The following ATG5 variants were observed in gnomAD, a reference collection of about 807,000 sequenced individuals.
The protein encoded by ATG5 is autophagy protein 5.
Under a neutral mutation model 36.5 loss-of-function variants are expected in ATG5, and 14 were observed. The ratio of observed to expected loss-of-function variants is 0.38; its 90% CI spans 0.25 to 0.60. ATG5 has a LOEUF of 0.60. Among genes scored for constraint, ATG5 ranks in the 20% least tolerant of loss-of-function variants. The pLI is 0.60. For synonymous variants in ATG5, 95 were observed against 101.5 expected, an observed-to-expected ratio of 0.94 and a Z score of 0.38; for missense variants, 195 against 326.7, an observed-to-expected ratio of 0.60 and a Z score of 3.11.
At chr6:106,271,431 G>A (rs1020298944) in intron 5 of ATG5, among the ~76,000 whole-genome samples, 1 of 152,144 alleles carries the variant, frequency 6.6e-6, no homozygotes, top group Admixed American at 6.5e-5. Context: ...TTTAGTCTGT[G>A]AGGACACAAA....
chr6:106,235,748 T>G (rs927731759), intron 6 of ATG5, among the ~76,000 whole-genome samples: 7 of 148,146 alleles, frequency 4.7e-5, no homozygotes, highest in African/African-American at 1.8e-4. Flanking sequence ...ACGGCTACCT[T>G]CTTTGGGTCC....
chr6:106,190,428 T>C (rs1775928941), intron 7 of ATG5, among the ~76,000 whole-genome samples: 1 of 152,196 alleles, frequency 6.6e-6, no homozygotes, highest in Admixed American at 6.5e-5. Flanking sequence ...CCAACACTGC[T>C]GCATTGGGGA....
At chr6:106,284,164 T>A (rs1036468649) in intron 4 of ATG5, among the ~76,000 whole-genome samples, 3 of 152,188 alleles carry the variant, frequency 2.0e-5, no homozygotes, top group African/African-American at 7.2e-5. Flanking sequence ...ATTTTGCATA[T>A]CAGAATTACA....
At chr6:106,281,569 T>C (rs1024062062) in intron 4 of ATG5, among the ~76,000 whole-genome samples, 1 of 152,260 alleles carries the variant, frequency 6.6e-6, no homozygotes, top group Non-Finnish European at 1.5e-5. Flanking sequence ...TCTGTTTATC[T>C]AAAAACTTGT....
Position 106,186,297 on chromosome 6 carries a change from G to GGTCC in ATG5, c.*239_*242dup, listed in dbSNP as rs749781045. On this transcript the variant is annotated 3_prime_UTR_variant, in exon 8 of 8. Coordinates refer to ENST00000369076, the MANE Select transcript of ATG5 (RefSeq NM_004849.4). ...TTATATTTTACAGAAGACCTTCAGT[G>GGTCC]GTCCGGTAAGTCTTTCATGTCACAG... is the stretch of plus-strand genomic sequence containing the variant. 9.9e-5 allele frequency: 44 copies of GGTCC among 445,410 alleles called. No homozygotes were observed. Among genetic ancestry groups the GGTCC allele is most frequent in the Middle Eastern group, 5.9e-4 (1 of 1,698 alleles). The allele number at this position is 445,410 out of a possible 1,614,324, so 27.6% of individuals were successfully genotyped here.
chr6:106,233,191 C>A (rs1157920528), intron 6 of ATG5, among the ~76,000 whole-genome samples: 1 of 152,196 alleles, frequency 6.6e-6, no homozygotes, highest in Non-Finnish European at 1.5e-5. Flanking sequence ...ATACTTAGGG[C>A]TAAAATTATC....
intron 4 of ATG5, among the ~76,000 whole-genome samples, chr6:106,284,719 G>GT (rs1182162409): frequency 1.4e-4 from 20 of 144,428 alleles, no homozygotes; most frequent in South Asian, 4.3e-4. Flanking sequence ...GTTGTGTGGG[G>GT]TTTTTTTTGT....
intron 5 of ATG5, among the ~76,000 whole-genome samples, chr6:106,256,877 A>G (rs1307463520): frequency 6.6e-6 from 1 of 152,176 alleles, no homozygotes; most frequent in Non-Finnish European, 1.5e-5. Context: ...AGTTACATTG[A>G]ATTTATTTAA....
chr6:106,287,916 T>C (rs1409806050), intron 4 of ATG5, among the ~76,000 whole-genome samples: 1 of 151,900 alleles, frequency 6.6e-6, no homozygotes, highest in Non-Finnish European at 1.5e-5. Context: ...TGGCAAAATG[T>C]TAAAAAGCAG....
At chr6:106,215,897 A>G (rs1777020150) in intron 6 of ATG5, among the ~76,000 whole-genome samples, 1 of 152,222 alleles carries the variant, frequency 6.6e-6, no homozygotes. Context: ...AGAATTTGTA[A>G]AACTTATAAA....
At chr6:106,269,627 C>G (rs1779368862) in intron 5 of ATG5, among the ~76,000 whole-genome samples, 1 of 152,244 alleles carries the variant, frequency 6.6e-6, no homozygotes, top group African/African-American at 2.4e-5. Context: ...CCCAGTACAC[C>G]CTCCGCAGCC....
chr6:106,253,963 G>C (rs532479636), intron 5 of ATG5, among the ~76,000 whole-genome samples: 1 of 151,966 alleles, frequency 6.6e-6, no homozygotes, highest in African/African-American at 2.4e-5. Context: ...TTCCTACCAG[G>C]CCCATTCCAC....
intron 5 of ATG5, among the ~76,000 whole-genome samples, chr6:106,266,840 T>C (rs1231307060): frequency 6.6e-6 from 1 of 152,214 alleles, no homozygotes; most frequent in Non-Finnish European, 1.5e-5. Flanking sequence ...TAGGTATTGA[T>C]GGAACATATC....
At chr6:106,298,734 G>A (rs927292916) in intron 3 of ATG5, among the ~76,000 whole-genome samples, 2 of 152,096 alleles carry the variant, frequency 1.3e-5, no homozygotes, top group Admixed American at 1.3e-4. Context: ...AAATTTTTAT[G>A]TTAGAATTAT....
chr6:106,223,512 T>C (rs541294915), intron 6 of ATG5, among the ~76,000 whole-genome samples: 28 of 152,338 alleles, frequency 1.8e-4, no homozygotes, highest in African/African-American at 6.5e-4. Context: ...TGTGTTGGGC[T>C]GCCCCCTACA....
intron 6 of ATG5, among the ~76,000 whole-genome samples, chr6:106,231,605 T>C (rs1017874333): frequency 1.3e-5 from 2 of 152,186 alleles, no homozygotes; most frequent in East Asian, 3.8e-4. Flanking sequence ...ACCGCCTTTC[T>C]GGAGTGACTA....
intron 3 of ATG5, among the ~76,000 whole-genome samples, chr6:106,305,199 TAAGA>T (rs1770395780): frequency 6.6e-6 from 1 of 152,172 alleles, no homozygotes; most frequent in Admixed American, 6.5e-5. Flanking sequence ...CAAAGAATAG[TAAGA>T]AAGAATTAAC....
chr6:106,323,260 C>CTTTTTTT (rs71274321), intron 1 of ATG5, among the ~76,000 whole-genome samples: 9 of 64,222 alleles, frequency 1.4e-4, no homozygotes, highest in Non-Finnish European at 1.9e-4. Flanking sequence ...TGGAAAAGTC[C>CTTTTTTT]TTTTTTTTTT....
chr6:106,261,097 A>G (rs1779000609), intron 5 of ATG5, among the ~76,000 whole-genome samples: 1 of 152,360 alleles, frequency 6.6e-6, no homozygotes, highest in African/African-American at 2.4e-5. Flanking sequence ...GCAAGTTTAA[A>G]TTAGAGTTAA....
Sources: allele counts gnomAD v4.1 joint callset (sites outside exome capture counted in the v4.1 genomes callset), GRCh38; gene constraint gnomAD v4.1.1; transcripts MANE v1.5; gene names NCBI Gene and HGNC (gene_info 2026-07-23, HGNC 2026-07-21).